Variants in CACNA1D observed in about 807,000 individuals in gnomAD.
CACNA1D encodes the protein voltage-dependent L-type calcium channel subunit alpha-1D.
A neutral mutation model predicts 257.1 loss-of-function variants in CACNA1D; 55 were observed. That is an observed-to-expected ratio of 0.21 (90% CI 0.17 to 0.27). CACNA1D has a LOEUF of 0.27. Ranked by LOEUF, CACNA1D falls within the 10% of genes least tolerant of loss-of-function variation. The pLI, the probability that CACNA1D is intolerant of heterozygous loss-of-function variation, is 1.00. For synonymous variants in CACNA1D, 980 were observed against 1,014.9 expected (o/e 0.97, Z 0.65); for missense variants, 1,876 against 2,784.0 (o/e 0.67, Z 7.34).
At chr3:53,650,553 C>T (rs565739417) in intron 3 of CACNA1D, among the ~76,000 whole-genome samples, 2 of 152,230 alleles carry the variant, frequency 1.3e-5, no homozygotes, top group African/African-American at 2.4e-5. Flanking sequence ...CAGCCTGGAA[C>T]GAAAAGTGTT....
chr3:53,786,593 G>A (rs1451173403), intron 39 of CACNA1D: 3 of 556,140 alleles, frequency 5.4e-6, no homozygotes, highest in East Asian at 6.3e-5. Flanking sequence ...GCAACCTAGA[G>A]TATCAGTTCA....
chr3:53,711,227 C>T (rs1229313173), intron 9 of CACNA1D, among the ~76,000 whole-genome samples: 4 of 152,172 alleles, frequency 2.6e-5, no homozygotes, highest in African/African-American at 4.8e-5. Context: ...GCCTGGGTAA[C>T]AGAGTGCGAT....
At chr3:53,579,737 A>G (rs2093098789) in intron 3 of CACNA1D, among the ~76,000 whole-genome samples, 1 of 152,240 alleles carries the variant, frequency 6.6e-6, no homozygotes, top group Non-Finnish European at 1.5e-5. Context: ...TGAGTGGTGC[A>G]GTGGGCAGAG....
Position 53,598,061 on chromosome 3 carries a change from C to T in CACNA1D, c.484-52718C>T, listed in dbSNP as rs139180296. ...AGGACAGTATGAAGGCTTTCAGGAT[C>T]TTTAGAGGGAAGCTCTAAAATGTGC... On this transcript the variant is annotated intron_variant, in intron 3 of 47. Coordinates refer to ENST00000350061, the MANE Select transcript of CACNA1D (RefSeq NM_001128840.3). Among the ~76,000 whole-genome samples the T allele has an allele frequency of 3.3e-5, 5 of 152,222 alleles. No homozygotes were observed. In the East Asian group the frequency reaches 7.7e-4, roughly 24 times the overall value.
intron 28 of CACNA1D, among the ~76,000 whole-genome samples, chr3:53,752,188 T>C (rs1051698156): frequency 1.3e-5 from 2 of 152,174 alleles, no homozygotes; most frequent in Admixed American, 6.5e-5. Flanking sequence ...ACCATGGGCC[T>C]CCTGTGGCCA....
At chr3:53,649,655 C>T (rs1263872567) in intron 3 of CACNA1D, among the ~76,000 whole-genome samples, 1 of 152,228 alleles carries the variant, frequency 6.6e-6, no homozygotes, top group African/African-American at 2.4e-5. Context: ...ATTTTGACCT[C>T]TTGCCCTAGG....
intron 3 of CACNA1D, among the ~76,000 whole-genome samples, chr3:53,521,740 A>T (rs1418366765): frequency 3.3e-5 from 5 of 152,196 alleles, no homozygotes; most frequent in Admixed American, 3.3e-4. Context: ...TATAGCCTGG[A>T]GCCACACTGT....
chr3:53,746,881 A>G (rs2095174393), intron 25 of CACNA1D, among the ~76,000 whole-genome samples: 1 of 152,238 alleles, frequency 6.6e-6, no homozygotes, highest in Non-Finnish European at 1.5e-5. Flanking sequence ...AAGAAGAGAA[A>G]GGGATTTGAT....
intron 32 of CACNA1D, 64 bp downstream of exon 32, chr3:53,770,616 C>G (rs2095361076): frequency 2.6e-6 from 4 of 1,538,302 alleles, no homozygotes; most frequent in Middle Eastern, 1.8e-4. Flanking sequence ...CAGTGATTGT[C>G]CCCATCCTAG....
chr3:53,657,519 G>T (rs2094159810), intron 4 of CACNA1D, among the ~76,000 whole-genome samples: 1 of 152,152 alleles, frequency 6.6e-6, no homozygotes. Flanking sequence ...CACTTTAAAT[G>T]AGTGTGTTTT....
intron 3 of CACNA1D, among the ~76,000 whole-genome samples, chr3:53,551,019 T>C (rs2092521485): frequency 6.6e-6 from 1 of 152,218 alleles, no homozygotes; most frequent in Non-Finnish European, 1.5e-5. Flanking sequence ...CAAATTTTCT[T>C]TAAAGCTCCA....
chr3:53,508,503 A>G (rs919404779), intron 3 of CACNA1D, among the ~76,000 whole-genome samples: 1 of 152,088 alleles, frequency 6.6e-6, no homozygotes, highest in East Asian at 1.9e-4. Context: ...AAGTAGACCC[A>G]GTGTCTGTTG....
intron 3 of CACNA1D, among the ~76,000 whole-genome samples, chr3:53,540,204 T>C (rs1470521400): frequency 6.6e-6 from 1 of 152,022 alleles, no homozygotes; most frequent in Non-Finnish European, 1.5e-5. Context: ...CTGTAACCTC[T>C]ACCTCCCAGG....
At chr3:53,554,756 G>C (rs565574425) in intron 3 of CACNA1D, among the ~76,000 whole-genome samples, 1 of 152,298 alleles carries the variant, frequency 6.6e-6, no homozygotes, top group East Asian at 1.9e-4. Context: ...ACCACCCAGG[G>C]ACCAGCACAT....
At chr3:53,670,455 G>A (rs1048701928) in intron 7 of CACNA1D, among the ~76,000 whole-genome samples, 70 of 151,916 alleles carry the variant, frequency 4.6e-4, no homozygotes, top group Admixed American at 3.9e-3. Context: ...AGCGATTCTC[G>A]TGCCTCAGCC....
chr3:53,728,175 C>T (rs111569550), intron 15 of CACNA1D, among the ~76,000 whole-genome samples: 3,039 of 152,212 alleles, frequency 0.02, 107 homozygotes, highest in African/African-American at 0.07. Flanking sequence ...CACTCTGTCA[C>T]GCAGGCTGGA....
At chr3:53,721,488 T>G (rs1440203378) in intron 11 of CACNA1D, among the ~76,000 whole-genome samples, 1 of 152,198 alleles carries the variant, frequency 6.6e-6, no homozygotes, top group African/African-American at 2.4e-5. Flanking sequence ...ATGGCACACT[T>G]TACCAAAGCA....
chr3:53,607,045 T>C (rs2093519608), intron 3 of CACNA1D, among the ~76,000 whole-genome samples: 1 of 152,236 alleles, frequency 6.6e-6, no homozygotes. Flanking sequence ...TGTTGGACAT[T>C]AGAGTCTAAA....
At chr3:53,775,409 T>G (rs141697211) in intron 34 of CACNA1D, among the ~76,000 whole-genome samples, 5,427 of 152,180 alleles carry the variant, frequency 0.036, 155 homozygotes, top group Middle Eastern at 0.095. Context: ...AAACCTTGAC[T>G]CTACTAAAAA....
Sources: allele counts gnomAD v4.1 joint callset (sites outside exome capture counted in the v4.1 genomes callset), GRCh38; gene constraint gnomAD v4.1.1; transcripts MANE v1.5; gene names NCBI Gene and HGNC (gene_info 2026-07-23, HGNC 2026-07-21).